The following SDK1 variants were observed in gnomAD, a reference collection of about 807,000 sequenced individuals.
SDK1 encodes the protein sidekick cell adhesion molecule 1, also known as protein sidekick-1.
Under a neutral mutation model 245.5 loss-of-function variants are expected in SDK1, and 157 were observed. The ratio of observed to expected loss-of-function variants is 0.64; its 90% CI spans 0.56 to 0.73. SDK1 has a LOEUF of 0.73. Ranked by LOEUF, SDK1 falls within the 30% of genes least tolerant of loss-of-function variation. The probability of loss-of-function intolerance (pLI) is 0.00; values close to 1 mark genes in which losing one functional copy is unlikely to be tolerated. For synonymous variants in SDK1, 1,647 were observed against 1,278.5 expected (o/e 1.29, Z -6.15); for missense variants, 3,583 against 3,002.3 (o/e 1.19, Z -4.52).
intron 5 of SDK1, among the ~76,000 whole-genome samples, chr7:3,822,586 A>G (rs1274680980): frequency 6.6e-6 from 1 of 152,044 alleles, no homozygotes; most frequent in African/African-American, 2.4e-5. Flanking sequence ...CCTGGTCAAC[A>G]TGGTGAAACC....
intron 36 of SDK1, 70 bp from the exon 37 acceptor site, chr7:4,208,029 A>T: frequency 8.3e-7 from 1 of 1,202,692 alleles, no homozygotes; most frequent in Non-Finnish European, 1.2e-6. Flanking sequence ...CTTTGACCTT[A>T]CACTCAGTGG....
chr7:3,369,087 C>T (rs1440314691), intron 1 of SDK1, among the ~76,000 whole-genome samples: 1 of 151,786 alleles, frequency 6.6e-6, no homozygotes, highest in East Asian at 1.9e-4. Context: ...CTCTGTTGGC[C>T]AGGCTGGTGT....
intron 1 of SDK1, among the ~76,000 whole-genome samples, chr7:3,512,648 A>G (rs1321164985): frequency 6.6e-6 from 1 of 152,160 alleles, no homozygotes; most frequent in Non-Finnish European, 1.5e-5. Flanking sequence ...TGGCCATTCT[A>G]GTGATATGTT....
chr7:3,559,788 C>T (rs765175652), intron 1 of SDK1, among the ~76,000 whole-genome samples: 59 of 147,694 alleles, frequency 4.0e-4, no homozygotes, highest in Non-Finnish European at 7.2e-4. Flanking sequence ...AAAATCTAAA[C>T]GGAAACAAGC....
chr7:3,433,101 C>T (rs950247839), intron 1 of SDK1, among the ~76,000 whole-genome samples: 1 of 152,172 alleles, frequency 6.6e-6, no homozygotes, highest in African/African-American at 2.4e-5. Context: ...CCAGAGATTC[C>T]AGTCAACATA....
chr7:3,423,473 T>C (rs916533689), intron 1 of SDK1, among the ~76,000 whole-genome samples: 1 of 151,986 alleles, frequency 6.6e-6, no homozygotes, highest in Non-Finnish European at 1.5e-5. Context: ...TTTTATAAGA[T>C]AGATTTTTTT....
In SDK1 at chr7:3,821,440, T is replaced by A; in HGVS notation, c.714-10T>A. ...TAGCTTTGACACTGTCCTCTTCTTT[T>A]CTGAAACAGAGCCATCACATTGGAG... On this transcript the variant is annotated splice_polypyrimidine_tract_variant and intron_variant, in intron 4 of 44. Coordinates refer to ENST00000404826, the MANE Select transcript of SDK1 (RefSeq NM_152744.4). 6.2e-7 allele frequency: 1 copy of A among 1,611,768 alleles called. No homozygotes were observed.
chr7:3,950,432 G>A (rs1321413618), intron 5 of SDK1, among the ~76,000 whole-genome samples: 1 of 152,160 alleles, frequency 6.6e-6, no homozygotes, highest in African/African-American at 2.4e-5. Context: ...TCCGAAAATA[G>A]GAGAGTACAG....
chr7:3,937,164 A>C (rs1324319970), intron 5 of SDK1, among the ~76,000 whole-genome samples: 3 of 151,952 alleles, frequency 2.0e-5, no homozygotes, highest in Non-Finnish European at 2.9e-5. Context: ...ACATTTGGCC[A>C]TGCGGAGGTC....
intron 5 of SDK1, among the ~76,000 whole-genome samples, chr7:3,882,123 C>T (rs918800524): frequency 6.6e-5 from 10 of 152,160 alleles, no homozygotes; most frequent in Non-Finnish European, 1.5e-5. Context: ...CCTATAAAAT[C>T]ATCAGATCTT....
intron 22 of SDK1, among the ~76,000 whole-genome samples, chr7:4,102,901 T>G (rs1471919142): frequency 6.6e-6 from 1 of 151,536 alleles, no homozygotes; most frequent in Non-Finnish European, 1.5e-5. Flanking sequence ...AGATGCCATT[T>G]CTGCCTTTGT....
chr7:3,755,463 TTGCC>T (rs1249383682), intron 4 of SDK1, among the ~76,000 whole-genome samples: 5 of 152,090 alleles, frequency 3.3e-5, no homozygotes, highest in Non-Finnish European at 5.9e-5. Flanking sequence ...ACTGAGAAAT[TTGCC>T]TGGCAGTGTA....
At chr7:3,577,856 C>A (rs1380035877) in intron 1 of SDK1, among the ~76,000 whole-genome samples, 1 of 152,028 alleles carries the variant, frequency 6.6e-6, no homozygotes, top group Non-Finnish European at 1.5e-5. Context: ...CATTGCCTGG[C>A]AGCTCCTGTC....
intron 1 of SDK1, among the ~76,000 whole-genome samples, chr7:3,393,257 C>A (rs926627257): frequency 6.6e-6 from 1 of 152,042 alleles, no homozygotes; most frequent in Non-Finnish European, 1.5e-5. Context: ...CAGGTATAAG[C>A]CACCACACCC....
intron 1 of SDK1, among the ~76,000 whole-genome samples, chr7:3,539,178 C>G (rs1402572913): frequency 6.6e-6 from 1 of 152,140 alleles, no homozygotes; most frequent in Non-Finnish European, 1.5e-5. Context: ...AAGTTAGGGG[C>G]TGTGGGGAGA....
At chr7:3,948,561 C>T (rs1464563739) in intron 5 of SDK1, among the ~76,000 whole-genome samples, 2 of 152,224 alleles carry the variant, frequency 1.3e-5, no homozygotes, top group African/African-American at 2.4e-5. Flanking sequence ...CGCGCCCGGC[C>T]ACCACTGTTC....
intron 1 of SDK1, among the ~76,000 whole-genome samples, chr7:3,403,148 G>C (rs1316152308): frequency 2.0e-5 from 3 of 152,066 alleles, no homozygotes; most frequent in Admixed American, 6.6e-5. Context: ...TGATCAGGCT[G>C]GTCTTGAACT....
chr7:3,472,845 A>G (rs1363516439), intron 1 of SDK1, among the ~76,000 whole-genome samples: 6 of 152,212 alleles, frequency 3.9e-5, no homozygotes, highest in Non-Finnish European at 8.8e-5. Context: ...TCTGGCTTAC[A>G]GTACCAGCAT....
intron 1 of SDK1, among the ~76,000 whole-genome samples, chr7:3,495,504 C>A (rs369439741): frequency 6.6e-5 from 10 of 152,158 alleles, no homozygotes; most frequent in African/African-American, 2.4e-4. Flanking sequence ...AGAGATCCTC[C>A]CGCCTCAGCC....
Sources: allele counts gnomAD v4.1 joint callset (sites outside exome capture counted in the v4.1 genomes callset), GRCh38; gene constraint gnomAD v4.1.1; transcripts MANE v1.5; gene names NCBI Gene and HGNC (gene_info 2026-07-23, HGNC 2026-07-21).